Variants in MTA3 observed in about 807,000 individuals in gnomAD.
MTA3 encodes metastasis-associated protein MTA3.
A neutral mutation model predicts 83.5 loss-of-function variants in MTA3; 34 were observed. The ratio of observed to expected loss-of-function variants is 0.41; its 90% CI spans 0.31 to 0.54. The LOEUF (loss-of-function observed/expected upper bound fraction) is 0.54, where lower values mean the gene tolerates loss of function less well. Ranked by LOEUF, MTA3 falls within the 20% of genes least tolerant of loss-of-function variation. The probability of loss-of-function intolerance (pLI) is 0.33; values close to 1 mark genes in which losing one functional copy is unlikely to be tolerated. For synonymous variants in MTA3, 303 were observed against 252.7 expected (o/e 1.20, Z -1.89); for missense variants, 761 against 726.4 (o/e 1.05, Z -0.55).
intron 16 of MTA3, among the ~76,000 whole-genome samples, chr2:42,747,304 G>A (rs1669515683): frequency 6.6e-6 from 1 of 152,008 alleles, no homozygotes; most frequent in African/African-American, 2.4e-5. Context: ...CTGGCCCCCT[G>A]TTCAGATTCT....
At chr2:42,735,785 G>A (rs762695534) in intron 16 of MTA3, among the ~76,000 whole-genome samples, 3 of 151,912 alleles carry the variant, frequency 2.0e-5, no homozygotes, top group Non-Finnish European at 2.9e-5. Context: ...TGCATTTTTC[G>A]CTCCAGAATT....
At position 42,507,954 on chromosome 2, in the gene MTA3, AAAAG is replaced by A. The variant is rs531808715; in HGVS notation, c.-141+12712_-141+12715del. 8.1e-3 allele frequency among the ~76,000 whole-genome samples: 1,230 copies of A among 151,916 alleles called. 14 individuals are homozygous for A. Among genetic ancestry groups the A allele is most frequent in the African/African-American group, 0.025 (1,052 of 41,410 alleles). On this transcript the variant is annotated intron_variant, in intron 2 of 17. Coordinates refer to the MTA3 transcript ENST00000405592. ...GCGTGAGTCTGTCTCAAAAAAAAAA[AAAAG>A]AAAGAAAGAAACCTAGTTAAAAAAA...
chr2:42,739,814 A>G (rs1668892102), intron 16 of MTA3, among the ~76,000 whole-genome samples: 1 of 152,236 alleles, frequency 6.6e-6, no homozygotes, highest in Non-Finnish European at 1.5e-5. Flanking sequence ...GTTCAGGAGT[A>G]GTTTCCATCT....
chr2:42,632,245 C>T (rs946546995), intron 4 of MTA3, among the ~76,000 whole-genome samples: 5 of 152,000 alleles, frequency 3.3e-5, no homozygotes, highest in Non-Finnish European at 5.9e-5. Context: ...CGGCCGCCAC[C>T]ATGCCCGGCT....
At chr2:42,702,420 G>C (rs1022485692) in intron 11 of MTA3, 11 of 152,090 alleles carry the variant, frequency 7.2e-5, no homozygotes, top group Non-Finnish European at 1.3e-4. Context: ...TCTTAAGTAG[G>C]GTCTTTGCTG....
intron 2 of MTA3, among the ~76,000 whole-genome samples, chr2:42,548,841 TATATAATATATATATATAA>T (rs1676905520): frequency 8.0e-5 from 1 of 12,462 alleles, no homozygotes; most frequent in South Asian, 2.2e-3. Flanking sequence ...TATATATATA[TATATAATATATATATATAA>T]TATATATATA....
In MTA3 at chr2:42,551,069, A is replaced by T. The variant is rs1189693819; in HGVS notation, c.-140-19368A>T. ...TGACTAAATAAATAAATAAATAAAT[A>T]AATAAATAAATAAATAAATTAAAAT... On this transcript the variant is annotated intron_variant, in intron 2 of 17. Coordinates refer to the MTA3 transcript ENST00000405592. 2.7e-5 allele frequency among the ~76,000 whole-genome samples: 4 copies of T among 147,670 alleles called. 1 individual carries two copies. The highest frequency in any genetic ancestry group is 1.1e-4 in the African/African-American group (4 of 37,622).
chr2:42,663,349 A>C (rs998020524), intron 8 of MTA3, among the ~76,000 whole-genome samples: 17 of 152,218 alleles, frequency 1.1e-4, no homozygotes, highest in African/African-American at 4.1e-4. Context: ...GCAGGACAGC[A>C]GGTGAATTTC....
intron 16 of MTA3, among the ~76,000 whole-genome samples, chr2:42,727,293 A>C (rs1344424459): frequency 6.6e-6 from 1 of 152,194 alleles, no homozygotes; most frequent in South Asian, 2.1e-4. Flanking sequence ...TAAAGGTTCA[A>C]AATTAGAGAT....
chr2:42,549,735 G>T (rs1395980233), intron 2 of MTA3, among the ~76,000 whole-genome samples: 1 of 133,282 alleles, frequency 7.5e-6, no homozygotes, highest in Non-Finnish European at 1.5e-5. Flanking sequence ...TATTATATAT[G>T]TATATAATGG....
At chr2:42,673,217 C>T (rs1270856101) in intron 8 of MTA3, among the ~76,000 whole-genome samples, 1 of 151,422 alleles carries the variant, frequency 6.6e-6, no homozygotes, top group African/African-American at 2.4e-5. Flanking sequence ...TTATAATCTT[C>T]CTCTGCTTGG....
chr2:42,743,200 C>T (rs991544527), intron 16 of MTA3, among the ~76,000 whole-genome samples: 1 of 152,188 alleles, frequency 6.6e-6, no homozygotes, highest in Non-Finnish European at 1.5e-5. Context: ...AGAAGATGCC[C>T]TTGGTTCTTT....
intron 3 of MTA3, among the ~76,000 whole-genome samples, chr2:42,593,439 T>C (rs1221316346): frequency 6.6e-6 from 1 of 152,234 alleles, no homozygotes; most frequent in Non-Finnish European, 1.5e-5. Flanking sequence ...CATAATTCTA[T>C]GTGCTATACA....
intron 8 of MTA3, among the ~76,000 whole-genome samples, chr2:42,681,329 T>A (rs1691886407): frequency 6.6e-6 from 1 of 152,122 alleles, no homozygotes; most frequent in Non-Finnish European, 1.5e-5. Flanking sequence ...TGTTTATAAT[T>A]TTGTCTTAAA....
intron 16 of MTA3, among the ~76,000 whole-genome samples, chr2:42,749,330 A>T (rs1198337998): frequency 3.9e-5 from 6 of 152,186 alleles, no homozygotes; most frequent in Non-Finnish European, 8.8e-5. Flanking sequence ...ATGGGGAAAG[A>T]CACTTAAGAG....
intron 14 of MTA3, among the ~76,000 whole-genome samples, chr2:42,712,554 T>C (rs1337313633): frequency 6.6e-6 from 1 of 152,204 alleles, no homozygotes; most frequent in East Asian, 1.9e-4. Context: ...TCTTTATATG[T>C]GAATGTATAA....
At chr2:42,651,661 G>A (rs983881023) in intron 6 of MTA3, among the ~76,000 whole-genome samples, 2 of 152,064 alleles carry the variant, frequency 1.3e-5, no homozygotes, top group African/African-American at 4.8e-5. Flanking sequence ...GCTGGGCATG[G>A]TGGTGCGTGC....
Position 42,755,845 on chromosome 2 carries a change from G to A in MTA3, c.*2446G>A, listed in dbSNP as rs1274522201. 39 of 985,432 alleles carry A rather than the reference G, an allele frequency of 4.0e-5. No individual in the cohort carries two copies. The highest frequency in any genetic ancestry group is 4.5e-5 in the Non-Finnish European group (37 of 830,052). 61.0% of individuals were successfully genotyped at this position (985,432 alleles called of 1,614,324 possible). A position where few individuals can be genotyped will look rare whatever the true frequency, so the allele number is the denominator to read the frequency against. The stretch of plus-strand genomic sequence containing the variant: ...CCCAGCAGACATGCCCCTGGGGTGA[G>A]GACACAGGCTCTGCAGGCTATCTCC... On this transcript the variant is annotated 3_prime_UTR_variant, in exon 17 of 17. Coordinates refer to ENST00000405094, the MANE Select transcript of MTA3 (RefSeq NM_001330442.2).
chr2:42,513,340 A>G (rs1396460733), intron 2 of MTA3, among the ~76,000 whole-genome samples: 1 of 152,208 alleles, frequency 6.6e-6, no homozygotes, highest in Non-Finnish European at 1.5e-5. Context: ...GGATTCAGCA[A>G]TCACTGGGGT....
Sources: gnomAD v4.1 joint callset for allele counts (sites outside exome capture counted in the v4.1 genomes callset) on GRCh38, gnomAD v4.1.1 for gene constraint, MANE v1.5 for transcripts, NCBI Gene and HGNC (gene_info 2026-07-23, HGNC 2026-07-21) for gene names.